The following LHX8 variants were observed in gnomAD, a reference collection of about 807,000 sequenced individuals.
LHX8 encodes the protein LIM homeobox 8.
A neutral mutation model predicts 40.3 loss-of-function variants in LHX8; 12 were observed. That is an observed-to-expected ratio of 0.30 (90% CI 0.19 to 0.48). The LOEUF (loss-of-function observed/expected upper bound fraction) is 0.48. Among genes scored for constraint, LHX8 ranks in the 20% least tolerant of loss-of-function variants. The probability of loss-of-function intolerance (pLI) is 0.99; values close to 1 mark genes in which losing one functional copy is unlikely to be tolerated. For synonymous variants in LHX8, 179 were observed against 162.0 expected (o/e 1.10, Z -0.80); for missense variants, 344 against 433.7 (o/e 0.79, Z 1.84).
At chr1:75,136,507 T>C in intron 1 of LHX8, 96 bp from the exon 2 acceptor site, 1 of 950,736 alleles carries the variant, frequency 1.1e-6, no homozygotes, top group Non-Finnish European at 1.6e-6. Context: ...TCTGAGGGCC[T>C]TCATTAGCTC....
At chr1:75,142,770 G>A (rs1313464902) in intron 4 of LHX8, among the ~76,000 whole-genome samples, 1 of 152,102 alleles carries the variant, frequency 6.6e-6, no homozygotes, top group Non-Finnish European at 1.5e-5. Context: ...TCAGTCTGGA[G>A]AGTATGTGTG....
chr1:75,156,815 A>AT lies in LHX8; in HGVS notation c.781-72dup. The AT allele has an allele frequency of 2.9e-6, 4 of 1,374,266 alleles. No individual in the cohort carries two copies. The East Asian group carries it at 6.9e-5, about 24-fold the overall frequency. The allele number at this position is 1,374,266 out of a possible 1,614,324, so 85.1% of individuals were successfully genotyped here. A position where few individuals can be genotyped will look rare whatever the true frequency, so the allele number is the denominator to read the frequency against. ...TGGTAGTGTGATTGAGGTTGCATTCATTTTTTAACTGAGTTGATAATGTGC... is the reference window on the plus strand; with the variant it reads ...TGGTAGTGTGATTGAGGTTGCATTCATTTTTTTAACTGAGTTGATAATGTGC... On this transcript the variant is annotated intron_variant, in intron 7 of 8. Transcript: ENST00000356261.
chr1:75,177,602 C>T, the LHX8 span, among the ~76,000 whole-genome samples: 4 of 152,110 alleles, frequency 2.6e-5, no homozygotes, highest in African/African-American at 7.2e-5. Context: ...TCTAAATATA[C>T]GATCATGTCA....
At chr1:75,164,891 C>T (rs978821366), downstream of LHX8, among the ~76,000 whole-genome samples, 1 of 151,862 alleles carries the variant, frequency 6.6e-6, no homozygotes, top group African/African-American at 2.4e-5. Flanking sequence ...ACAGGCTGGT[C>T]TCGAATTCCT....
chr1:75,192,278 C>T, the LHX8 span, among the ~76,000 whole-genome samples: 1 of 152,168 alleles, frequency 6.6e-6, no homozygotes, highest in African/African-American at 2.4e-5. Context: ...AGCCCTGAAA[C>T]CTGACCAAGG....
At chr1:75,199,446 T>A in the LHX8 span, among the ~76,000 whole-genome samples, 1 of 152,214 alleles carries the variant, frequency 6.6e-6, no homozygotes, top group East Asian at 1.9e-4. Flanking sequence ...TCTCTTTTGA[T>A]AAACTTTTCC....
intron 3 of LHX8, among the ~76,000 whole-genome samples, chr1:75,138,661 T>TTTA (rs1648220150): frequency 6.6e-6 from 1 of 152,210 alleles, no homozygotes; most frequent in South Asian, 2.1e-4. Context: ...TCTTTAAGAA[T>TTTA]GTTTCTGAGT....
intron 1 of LHX8, among the ~76,000 whole-genome samples, chr1:75,136,093 G>GC (rs1648117034): frequency 6.6e-6 from 1 of 152,196 alleles, no homozygotes; most frequent in African/African-American, 2.4e-5. Flanking sequence ...TATTCAAAAA[G>GC]CCCCCTTTTT....
At chr1:75,185,677 A>G in the LHX8 span, among the ~76,000 whole-genome samples, 3 of 152,178 alleles carry the variant, frequency 2.0e-5, no homozygotes, top group East Asian at 3.9e-4. Context: ...TCAACATAGT[A>G]TTGGAAGTCC....
downstream of LHX8, among the ~76,000 whole-genome samples, chr1:75,165,930 C>T (rs1263959095): frequency 6.6e-6 from 1 of 152,160 alleles, no homozygotes; most frequent in Non-Finnish European, 1.5e-5. Context: ...TTAACTGTAT[C>T]CCAAGGACAC....
the LHX8 span, among the ~76,000 whole-genome samples, chr1:75,196,148 T>C: frequency 1.3e-5 from 2 of 152,144 alleles, no homozygotes; most frequent in African/African-American, 2.4e-5. Context: ...GATTTTTTTT[T>C]CCCTCAAATC....
the LHX8 span, among the ~76,000 whole-genome samples, chr1:75,181,839 C>A: frequency 6.6e-6 from 1 of 151,990 alleles, no homozygotes; most frequent in African/African-American, 2.4e-5. Context: ...GGAAGGGACC[C>A]CCATTTTGTT....
the LHX8 span, among the ~76,000 whole-genome samples, chr1:75,181,100 C>T: frequency 2.0e-5 from 3 of 152,164 alleles, no homozygotes; most frequent in African/African-American, 4.8e-5. Flanking sequence ...CAGAGGGGCA[C>T]CTGGCTGTAT....
At chr1:75,160,183 C>G (rs1266072513) in intron 8 of LHX8, 3 of 152,372 alleles carry the variant, frequency 2.0e-5, no homozygotes, top group African/African-American at 7.2e-5. Context: ...ACTTAAGTGT[C>G]TTTCAGATGC....
At chr1:75,135,895 A>T (rs1044089143) in intron 1 of LHX8, among the ~76,000 whole-genome samples, 1 of 152,192 alleles carries the variant, frequency 6.6e-6, no homozygotes, top group Non-Finnish European at 1.5e-5. Flanking sequence ...GGCAATTTAC[A>T]CCTTAAAGAA....
intron 1 of LHX8, among the ~76,000 whole-genome samples, chr1:75,136,383 G>C (rs1452185138): frequency 1.3e-5 from 2 of 151,816 alleles, no homozygotes; most frequent in Non-Finnish European, 2.9e-5. Flanking sequence ...AGCGCGGGAC[G>C]AGCTACCAGC....
chr1:75,180,649 C>T, the LHX8 span, among the ~76,000 whole-genome samples: 4 of 152,116 alleles, frequency 2.6e-5, no homozygotes, highest in East Asian at 3.9e-4. Context: ...TTCTTTAGCT[C>T]GGAGAAGTTT....
the LHX8 span, among the ~76,000 whole-genome samples, chr1:75,193,747 G>A: frequency 3.9e-5 from 6 of 152,012 alleles, no homozygotes; most frequent in Admixed American, 2.6e-4. Flanking sequence ...TGTATTTTTC[G>A]CTTTCTGCCT....
intron 8 of LHX8, 47 bp downstream of exon 8, chr1:75,157,123 T>G: frequency 6.4e-7 from 1 of 1,550,812 alleles, no homozygotes; most frequent in Non-Finnish European, 8.9e-7. Flanking sequence ...AATCAGCAAC[T>G]GGTAACTTCT....
Sources: allele counts gnomAD v4.1 joint callset (sites outside exome capture counted in the v4.1 genomes callset), GRCh38; gene constraint gnomAD v4.1.1; transcripts MANE v1.5; gene names NCBI Gene and HGNC (gene_info 2026-07-23, HGNC 2026-07-21).